FAT3: variants seen among roughly 807,000 people sequenced by gnomAD.
FAT3 encodes protocadherin Fat 3.
FAT3 carries 95 observed loss-of-function variants against 310.2 expected under a neutral mutation model. The observed-to-expected ratio is 0.31, with a 90% CI of 0.26 to 0.36. The LOEUF is 0.36. Among genes scored for constraint, FAT3 ranks in the 10% least tolerant of loss-of-function variants. FAT3 has a pLI of 1.00. For missense variants in FAT3, 5,408 were observed against 5,715.6 expected, an observed-to-expected ratio of 0.95 and a Z score of 1.74; for synonymous variants, 2,314 against 2,192.9, an observed-to-expected ratio of 1.06 and a Z score of -1.54.
At chr11:92,785,533 A>G (rs1327909154) in intron 7 of FAT3, among the ~76,000 whole-genome samples, 1 of 152,190 alleles carries the variant, frequency 6.6e-6, no homozygotes, top group Non-Finnish European at 1.5e-5. Flanking sequence ...CAGGTTAAAA[A>G]TTTAATATAC....
chr11:92,456,824 G>A (rs1951505816), intron 2 of FAT3, among the ~76,000 whole-genome samples: 1 of 152,032 alleles, frequency 6.6e-6, no homozygotes, highest in Admixed American at 6.5e-5. Context: ...TCTGTACCGT[G>A]GCATGTGTAA....
At position 92,666,967 on chromosome 11, in the gene FAT3, G is replaced by T. The variant is rs117903218; in HGVS notation, c.3608-30417G>T. 7.1e-3 allele frequency among the ~76,000 whole-genome samples: 1,086 copies of T among 152,140 alleles called. 7 individuals carry two copies. The highest frequency in any genetic ancestry group is 0.012 in the South Asian group (58 of 4,802). ...TCATGTGAGTAACCCCAGCCAATGG[G>T]GTCTAGTCGTGAGGAGATGGGAAGT... On this transcript the variant is annotated intron_variant, in intron 3 of 27. Coordinates refer to ENST00000525166, the MANE Select transcript of FAT3 (RefSeq NM_001367949.2).
At chr11:92,380,195 C>T (rs576353283) in intron 2 of FAT3, among the ~76,000 whole-genome samples, 2 of 152,116 alleles carry the variant, frequency 1.3e-5, no homozygotes, top group South Asian at 4.2e-4. Context: ...CGAATGTACT[C>T]ACCACATGAC....
intron 3 of FAT3, among the ~76,000 whole-genome samples, chr11:92,695,202 A>C (rs1314848626): frequency 6.6e-6 from 1 of 152,222 alleles, no homozygotes; most frequent in African/African-American, 2.4e-5. Flanking sequence ...AAAAAGTCAC[A>C]GTGAGATTCA....
At chr11:92,880,168 CA>C (rs1156645490) in intron 22 of FAT3, among the ~76,000 whole-genome samples, 1 of 150,660 alleles carries the variant, frequency 6.6e-6, no homozygotes, top group South Asian at 2.1e-4. Flanking sequence ...AGGATCGGAC[CA>C]GGGGAGCTGG....
intron 4 of FAT3, among the ~76,000 whole-genome samples, chr11:92,719,640 T>G (rs895673141): frequency 6.6e-6 from 1 of 152,064 alleles, no homozygotes; most frequent in Non-Finnish European, 1.5e-5. Context: ...AGTACAGATG[T>G]TTTTTTCTTC....
chr11:92,598,228 A>ATT (rs202033909), intron 3 of FAT3, among the ~76,000 whole-genome samples: 2,160 of 129,000 alleles, frequency 0.017, 52 homozygotes, highest in African/African-American at 0.065. Context: ...ATATATATAT[A>ATT]TATTTTTTTT....
In FAT3 at chr11:92,292,116, T is replaced by C. The variant is rs1351517536; in HGVS notation, c.-17-59980T>C. ...AAAAATGGCAAAATTGAACCACGGA[T>C]GTGAAATCCAAACAAGTGTATTTAT... is the stretch of plus-strand genomic sequence containing the variant. On this transcript the variant is annotated intron_variant, in intron 1 of 27. Coordinates refer to ENST00000525166, the MANE Select transcript of FAT3 (RefSeq NM_001367949.2). Among the ~76,000 whole-genome samples the C allele has an allele frequency of 3.3e-5, 5 of 152,178 alleles. No homozygotes were observed. In the South Asian group the frequency reaches 6.2e-4, roughly 19 times the overall value.
chr11:92,679,181 T>C (rs2135850942), intron 3 of FAT3, among the ~76,000 whole-genome samples: 1 of 152,338 alleles, frequency 6.6e-6, no homozygotes, highest in East Asian at 1.9e-4. Context: ...ATACATTTTC[T>C]TCATACATTC....
At chr11:92,448,235 C>T (rs1456495215) in intron 2 of FAT3, among the ~76,000 whole-genome samples, 2 of 152,146 alleles carry the variant, frequency 1.3e-5, no homozygotes, top group Admixed American at 6.5e-5. Flanking sequence ...TAACTGTTAG[C>T]TGTCATAATC....
At position 92,844,144 on chromosome 11, in the gene FAT3, A is replaced by G; in HGVS notation, c.10777A>G (p.Lys3593Glu). Residue 3593 changes from lysine (K) to glutamate (E), a missense_variant, in exon 19 of 28, where the codon AAA becomes GAA. Physicochemically the swap from Lys to Glu is moderately conservative, Grantham distance 56. Coordinates refer to ENST00000525166, the MANE Select transcript of FAT3 (RefSeq NM_001367949.2). ...CACATTTGCCCTGAAATCGGAGCAG[A>G]AAAGCTTATTTAAAGTGAACAGTCA... ...VLTFALKSEQ[K>E]SLFKVNSHDG... is the part of the protein sequence containing the mutation. The G allele has an allele frequency of 6.2e-7, 1 of 1,614,028 alleles. No homozygotes were observed. Among genetic ancestry groups the G allele is most frequent in the South Asian group, 1.1e-5 (1 of 91,082 alleles).
At chr11:92,419,000 C>T (rs1172468616) in intron 2 of FAT3, among the ~76,000 whole-genome samples, 1 of 152,116 alleles carries the variant, frequency 6.6e-6, no homozygotes, top group African/African-American at 2.4e-5. Flanking sequence ...TTAAATATTA[C>T]AGATGAAGCA....
chr11:92,320,838 C>G (rs1237633083), intron 1 of FAT3, among the ~76,000 whole-genome samples: 1 of 150,858 alleles, frequency 6.6e-6, no homozygotes, highest in African/African-American at 2.5e-5. Flanking sequence ...CCATTGCACT[C>G]CAGCCTGGGC....
intron 3 of FAT3, among the ~76,000 whole-genome samples, chr11:92,650,349 C>A (rs1942330695): frequency 6.6e-6 from 1 of 152,150 alleles, no homozygotes; most frequent in Non-Finnish European, 1.5e-5. Context: ...GGATTCTTGA[C>A]AAATCTTAAT....
At chr11:92,482,120 C>T (rs999085278) in intron 2 of FAT3, among the ~76,000 whole-genome samples, 5 of 152,044 alleles carry the variant, frequency 3.3e-5, no homozygotes, top group African/African-American at 1.2e-4. Context: ...TCTTCAATGT[C>T]AGTACACATA....
chr11:92,832,818 A>T (rs1948302920), intron 14 of FAT3, among the ~76,000 whole-genome samples: 1 of 152,182 alleles, frequency 6.6e-6, no homozygotes. Context: ...ATGCACAGGC[A>T]GACACTGATA....
chr11:92,513,414 G>T (rs902635398), intron 2 of FAT3, among the ~76,000 whole-genome samples: 4 of 152,176 alleles, frequency 2.6e-5, no homozygotes, highest in African/African-American at 9.6e-5. Context: ...GTATGATCTT[G>T]CTAGAGGCAG....
At chr11:92,256,331 A>G (rs1278109739) in intron 1 of FAT3, among the ~76,000 whole-genome samples, 3 of 152,066 alleles carry the variant, frequency 2.0e-5, no homozygotes, top group Non-Finnish European at 4.4e-5. Flanking sequence ...TCCCTCAGCA[A>G]CAGAGGGAAT....
chr11:92,507,547 A>G (rs1458660539), intron 2 of FAT3, among the ~76,000 whole-genome samples: 1 of 151,890 alleles, frequency 6.6e-6, no homozygotes, highest in African/African-American at 2.4e-5. Flanking sequence ...ATACATATAT[A>G]GGGTGTATAT....
Sources: gnomAD v4.1 joint callset for allele counts (sites outside exome capture counted in the v4.1 genomes callset) on GRCh38, gnomAD v4.1.1 for gene constraint, MANE v1.5 for transcripts, NCBI Gene and HGNC (gene_info 2026-07-23, HGNC 2026-07-21) for gene names.